Variants in TBC1D32 observed in about 807,000 individuals in gnomAD.
TBC1D32 encodes protein broad-minded.
Under a neutral mutation model 170.3 loss-of-function variants are expected in TBC1D32, and 151 were observed. That is an observed-to-expected ratio of 0.89 (90% CI 0.78 to 1.01). The LOEUF (loss-of-function observed/expected upper bound fraction) is 1.01. Among genes scored for constraint, TBC1D32 ranks in the 50% least tolerant of loss-of-function variants. The pLI, the probability that TBC1D32 is intolerant of heterozygous loss-of-function variation, is 0.00. For synonymous variants in TBC1D32, 498 were observed against 488.0 expected (o/e 1.02, Z -0.27); for missense variants, 1,464 against 1,457.1 (o/e 1.00, Z -0.08).
intron 1 of TBC1D32, among the ~76,000 whole-genome samples, chr6:121,329,908 C>A (rs905294909): frequency 6.6e-6 from 1 of 151,944 alleles, no homozygotes; most frequent in African/African-American, 2.4e-5. Context: ...TCTCCTACAA[C>A]TTTTTAGGTC....
At chr6:121,103,640 G>T (rs780321673) in intron 30 of TBC1D32, among the ~76,000 whole-genome samples, 2 of 151,094 alleles carry the variant, frequency 1.3e-5, no homozygotes, top group East Asian at 3.9e-4. Context: ...TGTAAATGAC[G>T]AGTTAATGGG....
At chr6:121,181,164 T>TA (rs1365508255) in intron 22 of TBC1D32, among the ~76,000 whole-genome samples, 2 of 152,062 alleles carry the variant, frequency 1.3e-5, no homozygotes, top group Non-Finnish European at 2.9e-5. Flanking sequence ...GAACAGCCAT[T>TA]AGGGAAAAGA....
chr6:121,193,571 C>T (rs1479521740), intron 22 of TBC1D32, among the ~76,000 whole-genome samples: 2 of 152,188 alleles, frequency 1.3e-5, no homozygotes, highest in East Asian at 3.9e-4. Flanking sequence ...AATTGGATCC[C>T]TATGTGGCAA....
chr6:121,310,228 C>T (rs572676827), intron 4 of TBC1D32, among the ~76,000 whole-genome samples: 30 of 151,946 alleles, frequency 2.0e-4, no homozygotes, highest in Non-Finnish European at 3.7e-4. Context: ...TTCTTGAAAA[C>T]TGCTAAGAGA....
At position 121,129,855 on chromosome 6, in the gene TBC1D32, C is replaced by T. The variant is rs1388175631; in HGVS notation, c.2899+1772G>A. The stretch of plus-strand genomic sequence containing the variant: ...GTAATAATCAGAAAAGAGAAAGCAA[C>T]AGGAAGAACATACTTCATTTTATAC... On this transcript the variant is annotated intron_variant, in intron 25 of 31. Transcript: ENST00000398212. 4 of 426,920 alleles carry T rather than the reference C, an allele frequency of 9.4e-6. No homozygotes were observed. In the Admixed American group the frequency reaches 1.2e-4, roughly 12 times the overall value. The allele number at this position is 426,920 out of a possible 1,614,324, so 26.4% of individuals were successfully genotyped here.
chr6:121,331,061 A>G (rs907869826), intron 1 of TBC1D32, among the ~76,000 whole-genome samples: 1 of 152,214 alleles, frequency 6.6e-6, no homozygotes, highest in Non-Finnish European at 1.5e-5. Flanking sequence ...TACTGCCTAC[A>G]CTGTAGTTTC....
At chr6:121,098,150 C>A (rs927847463) in intron 30 of TBC1D32, among the ~76,000 whole-genome samples, 6 of 151,454 alleles carry the variant, frequency 4.0e-5, no homozygotes, top group Admixed American at 6.6e-5. Flanking sequence ...ACCTATGTAA[C>A]AAACCTGTAT....
intron 22 of TBC1D32, among the ~76,000 whole-genome samples, chr6:121,178,561 G>T (rs1321435786): frequency 6.6e-6 from 1 of 152,182 alleles, no homozygotes; most frequent in Non-Finnish European, 1.5e-5. Flanking sequence ...GAATGGCTCT[G>T]CATTGTCCAG....
At chr6:121,280,739 C>A (rs1802875678) in intron 14 of TBC1D32, among the ~76,000 whole-genome samples, 1 of 151,692 alleles carries the variant, frequency 6.6e-6, no homozygotes, top group Non-Finnish European at 1.5e-5. Context: ...AATTAGGGGA[C>A]AGAAAACTTG....
chr6:121,127,417 T>C (rs1780968687), intron 25 of TBC1D32, among the ~76,000 whole-genome samples: 1 of 152,154 alleles, frequency 6.6e-6, no homozygotes, highest in South Asian at 2.1e-4. Flanking sequence ...TTGAACTCTA[T>C]TCATATGATG....
At chr6:121,212,182 G>T (rs547384089) in intron 21 of TBC1D32, among the ~76,000 whole-genome samples, 3 of 151,982 alleles carry the variant, frequency 2.0e-5, no homozygotes, top group Non-Finnish European at 2.9e-5. Context: ...GGAACAAAGT[G>T]ATTCCCAGAA....
Position 121,303,741 on chromosome 6 carries a change from T to G in TBC1D32, c.956A>C (p.Glu319Ala). 1 of 1,548,446 alleles carries G rather than the reference T, an allele frequency of 6.5e-7. No homozygotes were observed. The highest frequency in any genetic ancestry group is 8.8e-7 in the Non-Finnish European group (1 of 1,138,358). Reference protein sequence around the residue: ...HPEKYMEEIVESTLSLLTVKH... With the variant: ...HPEKYMEEIVASTLSLLTVKH... ...AACTGTTAACAAGGACAAAGTACTC[T>G]CCACAATTTCTTCCATATACCTTAA... The change falls in exon 9 of 32, where the codon GAG (glutamate) becomes GCG (alanine). Residue 319 changes from glutamate (E) to alanine (A), a missense_variant. Around this residue, in one of 3 missense-constraint regions of TBC1D32, gnomAD observed 1,363 missense variants for 1,338.1 expected, o/e 1.02. Coordinates refer to ENST00000398212, the MANE Select transcript of TBC1D32 (RefSeq NM_152730.6).
At chr6:121,213,449 A>G (rs1793342775) in intron 21 of TBC1D32, among the ~76,000 whole-genome samples, 1 of 104,506 alleles carries the variant, frequency 9.6e-6, no homozygotes. Flanking sequence ...TCCTATTCAC[A>G]ACTGCCACAA....
chr6:121,211,150 G>A (rs937273309), intron 21 of TBC1D32, among the ~76,000 whole-genome samples: 2 of 152,188 alleles, frequency 1.3e-5, no homozygotes, highest in Admixed American at 6.5e-5. Flanking sequence ...AACTGTGGGC[G>A]GGGCGGAGGG....
At chr6:121,274,143 G>A (rs1801900779) in intron 15 of TBC1D32, among the ~76,000 whole-genome samples, 1 of 152,024 alleles carries the variant, frequency 6.6e-6, no homozygotes, top group Admixed American at 6.6e-5. Flanking sequence ...GACCAGCCTG[G>A]CCAATATAGT....
Position 121,273,291 on chromosome 6 carries a change from C to T in TBC1D32, c.1733+5830G>A, listed in dbSNP as rs190510152. ...AAAAGAAAATGTGGCACATATACAC[C>T]ATGGAATACTATGCAGCCATAAAAA... On this transcript the variant is annotated intron_variant, in intron 15 of 31. Transcript: ENST00000398212. Among the ~76,000 whole-genome samples, 12 of 150,276 alleles carry T rather than the reference C, an allele frequency of 8.0e-5. No homozygotes were observed. The East Asian group carries it at 2.4e-3, about 31-fold the overall frequency.
Position 121,304,298 on chromosome 6 carries a change from T to C in TBC1D32, c.935+67A>G, listed in dbSNP as rs2128479511. The C allele has an allele frequency of 4.2e-6, 6 of 1,438,272 alleles. No homozygotes were observed. In the East Asian group the frequency reaches 1.1e-4, roughly 27 times the overall value. The allele number at this position is 1,438,272 out of a possible 1,614,324, so 89.1% of individuals were successfully genotyped here. On this transcript the variant is annotated intron_variant, in intron 8 of 31. Coordinates refer to ENST00000398212, the MANE Select transcript of TBC1D32 (RefSeq NM_152730.6). ...ATTAAGACTGTCTTTACTCTTTCTG[T>C]CTGAAACGTATATGGGGCAGTAACA... is the stretch of plus-strand genomic sequence containing the variant.
intron 17 of TBC1D32, among the ~76,000 whole-genome samples, chr6:121,251,536 C>T (rs1442107012): frequency 2.0e-5 from 3 of 152,038 alleles, no homozygotes; most frequent in African/African-American, 7.2e-5. Context: ...CTCCCTTACA[C>T]CTTATACAAA....
intron 30 of TBC1D32, among the ~76,000 whole-genome samples, chr6:121,091,862 G>A (rs191250457): frequency 5.9e-5 from 9 of 152,244 alleles, no homozygotes; most frequent in Middle Eastern, 3.4e-3. Flanking sequence ...TCATTACGGT[G>A]AGCCCTAATC....
Sources: gnomAD v4.1 joint callset for allele counts (sites outside exome capture counted in the v4.1 genomes callset) on GRCh38, gnomAD v4.1.1 for gene constraint, gnomAD v4.1.1 regional missense constraint, MANE v1.5 for transcripts, NCBI Gene and HGNC (gene_info 2026-07-23, HGNC 2026-07-21) for gene names.